The following PHF21A variants were observed in gnomAD, a reference collection of about 807,000 sequenced individuals.
PHF21A encodes the protein BHC80a.
In PHF21A, 11 loss-of-function variants were observed where a neutral mutation model predicts 82.5. The ratio of observed to expected loss-of-function variants is 0.13; its 90% CI spans 0.08 to 0.22. The LOEUF (loss-of-function observed/expected upper bound fraction) is 0.22. Among genes scored for constraint, PHF21A ranks in the 10% least tolerant of loss-of-function variants. The pLI is 1.00. For synonymous variants in PHF21A, 297 were observed against 302.8 expected (o/e 0.98, Z 0.20); for missense variants, 579 against 837.8 (o/e 0.69, Z 3.81).
In PHF21A at chr11:45,994,577, T is replaced by C. The variant is rs1332130411; in HGVS notation, c.154-14611A>G. 2.6e-5 allele frequency among the ~76,000 whole-genome samples: 4 copies of C among 152,200 alleles called. 1 individual carries two copies. In the South Asian group the frequency reaches 6.2e-4, roughly 24 times the overall value. On this transcript the variant is annotated intron_variant, in intron 6 of 18. Transcript: ENST00000676320. ...TTCTGCTTAGTCTCCACAGGCCTAA[T>C]GTATGTGATGCTGAATTTACTTATC...
chr11:46,053,039 G>T (rs947968617), intron 6 of PHF21A, among the ~76,000 whole-genome samples: 2 of 152,140 alleles, frequency 1.3e-5, no homozygotes, highest in African/African-American at 4.8e-5. Context: ...AAATCTAAGG[G>T]CCTCGAGTAA....
At chr11:45,981,197 C>T (rs983487534) in intron 6 of PHF21A, among the ~76,000 whole-genome samples, 4 of 151,680 alleles carry the variant, frequency 2.6e-5, no homozygotes, top group African/African-American at 9.7e-5. Flanking sequence ...ACCAGCCTGG[C>T]CAACATGGTG....
chr11:46,111,814 T>C (rs2136029616), intron 1 of PHF21A, among the ~76,000 whole-genome samples: 1 of 152,342 alleles, frequency 6.6e-6, no homozygotes, highest in African/African-American at 2.4e-5. Flanking sequence ...ATTAAGATTT[T>C]TTGAAACTAC....
chr11:46,082,979 T>C (rs1056176547), intron 4 of PHF21A, among the ~76,000 whole-genome samples: 1 of 152,196 alleles, frequency 6.6e-6, no homozygotes, highest in Non-Finnish European at 1.5e-5. Context: ...GATTGATTAC[T>C]GTACTCCCAA....
Position 45,934,021 on chromosome 11 carries a change from G to A in PHF21A, c.1993C>T (p.Pro665Ser), listed in dbSNP as rs943812963. ...TTCGCTGTGCAGCTCTGGGAGGAGG[G>A]GGAAGGGGCCGGCGTGGAGGTGGCG... ...NAATSTPAPS[P>S]SSQSCTANCN... Residue 665 changes from proline (P) to serine (S), a missense_variant, in exon 19 of 19, where the codon CCC becomes TCC. Pro to Ser is a moderately conservative substitution (Grantham distance 74). Coordinates refer to ENST00000676320, the MANE Select transcript of PHF21A (RefSeq NM_001352027.3). 1.4e-5 allele frequency: 22 copies of A among 1,610,986 alleles called. No individual in the cohort carries two copies. Among genetic ancestry groups the A allele is most frequent in the Non-Finnish European group, 1.5e-5 (18 of 1,178,560 alleles).
chr11:45,936,722 G>A, intron 16 of PHF21A, 153 bp from the exon 17 acceptor site: 1 of 610,682 alleles, frequency 1.6e-6, no homozygotes, highest in South Asian at 2.0e-5. Context: ...ATAGTTTCTG[G>A]ACTAAAAAGT....
chr11:46,043,270 A>G (rs976678486), intron 6 of PHF21A, among the ~76,000 whole-genome samples: 4 of 152,152 alleles, frequency 2.6e-5, no homozygotes, highest in South Asian at 2.1e-4. Flanking sequence ...ACTTCTTTCG[A>G]AAGTTATCAT....
intron 6 of PHF21A, among the ~76,000 whole-genome samples, chr11:46,055,835 A>T (rs1396907185): frequency 6.6e-6 from 1 of 152,148 alleles, no homozygotes; most frequent in Non-Finnish European, 1.5e-5. Context: ...TAAACGCTCA[A>T]CATATTATTT....
chr11:46,038,114 TTCTC>T lies in PHF21A; in HGVS notation c.153+38636_153+38639del, dbSNP rs536982768. 1.2e-3 allele frequency among the ~76,000 whole-genome samples: 180 copies of T among 151,906 alleles called. 2 individuals carry two copies. The highest frequency in any genetic ancestry group is 6.8e-3 in the Middle Eastern group (2 of 292). ...ATTGAGTTTACTTGTATACTCCTAT[TTCTC>T]TCTCTCTCTCTTTTTTTTTTTAAAT... is the stretch of plus-strand genomic sequence containing the variant. On this transcript the variant is annotated intron_variant, in intron 6 of 18. Coordinates refer to ENST00000676320, the MANE Select transcript of PHF21A (RefSeq NM_001352027.3).
intron 6 of PHF21A, among the ~76,000 whole-genome samples, chr11:46,070,620 C>T (rs1425572302): frequency 1.3e-5 from 2 of 152,012 alleles, no homozygotes; most frequent in East Asian, 1.9e-4. Flanking sequence ...CGTGAGCCAC[C>T]GCACCCAGCC....
intron 4 of PHF21A, among the ~76,000 whole-genome samples, chr11:46,080,822 C>T (rs1268091545): frequency 6.6e-6 from 1 of 152,000 alleles, no homozygotes. Context: ...TGCACACCAC[C>T]ATATCCAGCA....
chr11:45,979,909 T>C lies in PHF21A; in HGVS notation c.211A>G (p.Lys71Glu), dbSNP rs2094207097. 1.2e-6 allele frequency: 2 copies of C among 1,614,222 alleles called. No individual in the cohort carries two copies. Among genetic ancestry groups the C allele is most frequent in the Non-Finnish European group, 8.5e-7 (1 of 1,180,036 alleles). The change falls in exon 7 of 19, where the codon AAG (lysine) becomes GAG (glutamate). Residue 71 changes from lysine (K) to glutamate (E), a missense_variant. Coordinates refer to ENST00000676320, the MANE Select transcript of PHF21A (RefSeq NM_001352027.3). ...NLIVKQEQPD[K>E]FQIQPLPQSE... ...TGTGGCAATGGCTGTATTTGGAACT[T>C]GTCCGGTTGTTCTTGCTTTACTATC...
intron 6 of PHF21A, among the ~76,000 whole-genome samples, chr11:45,989,797 G>A (rs971415971): frequency 1.4e-4 from 21 of 152,082 alleles, no homozygotes; most frequent in African/African-American, 5.1e-4. Flanking sequence ...CCAGGAGTTC[G>A]AGACCAGCCT....
intron 10 of PHF21A, among the ~76,000 whole-genome samples, chr11:45,959,834 T>C (rs1181724507): frequency 6.6e-6 from 1 of 152,096 alleles, no homozygotes; most frequent in Non-Finnish European, 1.5e-5. Context: ...TATAAAGAAC[T>C]CTTACAACTC....
At chr11:46,045,248 C>T (rs531077760) in intron 6 of PHF21A, among the ~76,000 whole-genome samples, 1 of 152,254 alleles carries the variant, frequency 6.6e-6, no homozygotes, top group South Asian at 2.1e-4. Context: ...CTATGTACTG[C>T]CCTGGTCTAC....
chr11:45,989,963 G>A (rs994069728), intron 6 of PHF21A, among the ~76,000 whole-genome samples: 4 of 152,060 alleles, frequency 2.6e-5, no homozygotes, highest in Non-Finnish European at 5.9e-5. Context: ...CTGCACTTCA[G>A]CCTGGGCAAC....
intron 7 of PHF21A, among the ~76,000 whole-genome samples, chr11:45,972,358 A>C (rs1213336648): frequency 6.6e-6 from 1 of 152,228 alleles, no homozygotes; most frequent in Non-Finnish European, 1.5e-5. Flanking sequence ...GAGATAGATC[A>C]ACATTTCAGG....
chr11:46,081,344 T>G (rs771094000), intron 4 of PHF21A, among the ~76,000 whole-genome samples: 17 of 152,166 alleles, frequency 1.1e-4, no homozygotes, highest in Non-Finnish European at 1.9e-4. Flanking sequence ...AACACAAGGT[T>G]TTATACACAT....
intron 9 of PHF21A, among the ~76,000 whole-genome samples, chr11:45,966,739 C>T (rs1484391616): frequency 3.3e-5 from 5 of 152,144 alleles, no homozygotes; most frequent in African/African-American, 9.7e-5. Context: ...CCTGCCCCAG[C>T]CTCCTGAGTA....
Sources: gnomAD v4.1 joint callset for allele counts (sites outside exome capture counted in the v4.1 genomes callset) on GRCh38, gnomAD v4.1.1 for gene constraint, MANE v1.5 for transcripts, NCBI Gene and HGNC (gene_info 2026-07-23, HGNC 2026-07-21) for gene names.